TMEM17: variants seen among roughly 807,000 people sequenced by gnomAD.
The protein encoded by TMEM17 is transmembrane protein 17.
In TMEM17, 15 loss-of-function variants were observed where a neutral mutation model predicts 19.1. The observed-to-expected ratio is 0.78, with a 90% CI of 0.52 to 1.21. The LOEUF is 1.21. TMEM17 is among the 50% of genes most tolerant of loss of function. The pLI, the probability that TMEM17 is intolerant of heterozygous loss-of-function variation, is 0.00. For missense variants in TMEM17, 245 were observed against 242.3 expected (o/e 1.01, Z -0.07); for synonymous variants, 103 against 86.9 (o/e 1.19, Z -1.03).
At chr2:62,488,196 G>A in the TMEM17 span, among the ~76,000 whole-genome samples, 111,741 of 152,090 alleles carry the variant, frequency 0.73, 42,930 homozygotes, top group East Asian at 0.93. Flanking sequence ...AATTCGTCTC[G>A]AGCTTTGTCA....
the TMEM17 span, among the ~76,000 whole-genome samples, chr2:62,473,731 G>T: frequency 1.3e-5 from 2 of 152,202 alleles, no homozygotes; most frequent in East Asian, 3.8e-4. Flanking sequence ...GACTGGGGCT[G>T]GTAGGCAGAG....
the TMEM17 span, among the ~76,000 whole-genome samples, chr2:62,477,375 C>T: frequency 8.9e-5 from 13 of 145,882 alleles, no homozygotes; most frequent in African/African-American, 2.6e-4. Context: ...CCAGCCTGGG[C>T]GACAGAGCGA....
At position 62,501,267 on chromosome 2, in the gene TMEM17, C is replaced by T. The variant is rs150163358; in HGVS notation, c.539G>A (p.Arg180Gln). 5.2e-5 allele frequency: 84 copies of T among 1,614,004 alleles called. No individual in the cohort carries two copies. The highest frequency in any genetic ancestry group is 1.6e-4 in the Middle Eastern group (1 of 6,084). The change falls in exon 4 of 4, where the codon CGG (arginine) becomes CAG (glutamine). Residue 180 changes from arginine (R) to glutamine (Q), a missense_variant. Physicochemically the swap from Arg to Gln is conservative, Grantham distance 43. Transcript: ENST00000335390. Reference protein sequence around the residue: ...AVRFHLQDFDRLSANRGDMRR... With the variant: ...AVRFHLQDFDQLSANRGDMRR... ...CATGTCTCCTCTGTTTGCAGAGAGC[C>T]GGTCAAAGTCTTGGAGGTGGAAACG...
chr2:62,477,776 C>CA, the TMEM17 span, among the ~76,000 whole-genome samples: 832 of 152,338 alleles, frequency 5.5e-3, 6 homozygotes, highest in African/African-American at 0.019. Flanking sequence ...GACTGAGATA[C>CA]AAACACAGGA....
chr2:62,456,182 C>T, the TMEM17 span, among the ~76,000 whole-genome samples: 18 of 152,340 alleles, frequency 1.2e-4, no homozygotes, highest in East Asian at 3.5e-3. Flanking sequence ...CAAATTGCCA[C>T]AAACTTGGTG....
the TMEM17 span, among the ~76,000 whole-genome samples, chr2:62,466,798 C>A: frequency 0.015 from 2,350 of 152,232 alleles, 30 homozygotes; most frequent in Non-Finnish European, 0.027. Flanking sequence ...CAAGTGGGAC[C>A]TGAATTTGAC....
chr2:62,461,765 C>G, the TMEM17 span, among the ~76,000 whole-genome samples: 4 of 152,204 alleles, frequency 2.6e-5, no homozygotes, highest in Non-Finnish European at 5.9e-5. Flanking sequence ...GACTGAAAAC[C>G]TCGGAAGCAG....
chr2:62,465,954 C>A, the TMEM17 span, among the ~76,000 whole-genome samples: 1 of 152,022 alleles, frequency 6.6e-6, no homozygotes, highest in African/African-American at 2.4e-5. Flanking sequence ...CAGGAAAGGC[C>A]TCAAATGCCA....
At chr2:62,474,622 C>T in the TMEM17 span, among the ~76,000 whole-genome samples, 1 of 152,064 alleles carries the variant, frequency 6.6e-6, no homozygotes, top group Admixed American at 6.5e-5. Flanking sequence ...AGACCTTACC[C>T]CTTGAAGAGG....
chr2:62,465,374 A>G, the TMEM17 span, among the ~76,000 whole-genome samples: 2 of 152,202 alleles, frequency 1.3e-5, no homozygotes, highest in Admixed American at 1.3e-4. Context: ...TAATTGTGCT[A>G]TATTTGTGTA....
the TMEM17 span, among the ~76,000 whole-genome samples, chr2:62,477,959 C>G: frequency 1.4e-3 from 218 of 152,346 alleles, 2 homozygotes; most frequent in South Asian, 9.5e-3. Flanking sequence ...GCGGGGCTCC[C>G]CTGCCCTACT....
At chr2:62,503,802 C>T (rs996645077) in intron 1 of TMEM17, among the ~76,000 whole-genome samples, 1 of 152,292 alleles carries the variant, frequency 6.6e-6, no homozygotes, top group Admixed American at 6.5e-5. Context: ...ATCAAATACA[C>T]ATAAGAATGA....
At chr2:62,467,885 T>C in the TMEM17 span, among the ~76,000 whole-genome samples, 2 of 50,692 alleles carry the variant, frequency 3.9e-5, no homozygotes, top group South Asian at 7.5e-4. Context: ...CATCTCTCCT[T>C]TTTTTTTTTT....
At chr2:62,457,806 G>T in the TMEM17 span, among the ~76,000 whole-genome samples, 1 of 152,212 alleles carries the variant, frequency 6.6e-6, no homozygotes, top group Non-Finnish European at 1.5e-5. This position sits in a 1 kb window ranked among gnomAD's most constrained non-coding sequence, Gnocchi z 4.2. Flanking sequence ...CTGAGCGGTT[G>T]CCTCCAGCAG....
At chr2:62,492,071 G>A in the TMEM17 span, among the ~76,000 whole-genome samples, 2 of 152,082 alleles carry the variant, frequency 1.3e-5, no homozygotes, top group African/African-American at 2.4e-5. Flanking sequence ...TTGGCCCCTA[G>A]AAGTCGGAGG....
the TMEM17 span, among the ~76,000 whole-genome samples, chr2:62,474,102 G>T: frequency 6.6e-6 from 1 of 152,098 alleles, no homozygotes; most frequent in Non-Finnish European, 1.5e-5. Flanking sequence ...CAGGCTTTGG[G>T]AGTCCTCAAA....
At chr2:62,479,667 C>A in the TMEM17 span, among the ~76,000 whole-genome samples, 1 of 152,110 alleles carries the variant, frequency 6.6e-6, no homozygotes, top group African/African-American at 2.4e-5. Context: ...CAGCAGACTG[C>A]TTGAGCCCAG....
At chr2:62,475,663 G>T in the TMEM17 span, among the ~76,000 whole-genome samples, 3 of 152,236 alleles carry the variant, frequency 2.0e-5, no homozygotes, top group African/African-American at 4.8e-5. Context: ...GAGGAGAAAA[G>T]AAAAGAATGG....
At chr2:62,498,728 AAATAAAAT>A (rs1679841260), downstream of TMEM17, among the ~76,000 whole-genome samples, 1 of 143,908 alleles carries the variant, frequency 6.9e-6, no homozygotes, top group Admixed American at 6.8e-5. Context: ...AAATAAAATA[AAATAAAAT>A]AAAATAAAAT....
Sources: allele counts gnomAD v4.1 joint callset (sites outside exome capture counted in the v4.1 genomes callset), GRCh38; gene constraint gnomAD v4.1.1; non-coding constraint Gnocchi (gnomAD v3.1); transcripts MANE v1.5; gene names NCBI Gene and HGNC (gene_info 2026-07-23, HGNC 2026-07-21).